ERICH3: variants seen among roughly 807,000 people sequenced by gnomAD.
ERICH3 encodes the protein glutamate-rich protein 3.
In ERICH3, 126 loss-of-function variants were observed where a neutral mutation model predicts 131.1. That is an observed-to-expected ratio of 0.96 (90% CI 0.83 to 1.11). ERICH3 has a LOEUF of 1.11. ERICH3 is among the 50% of genes most tolerant of loss of function. The pLI is 0.00. For synonymous variants in ERICH3, 695 were observed against 644.6 expected, an observed-to-expected ratio of 1.08 and a Z score of -1.18; for missense variants, 2,050 against 1,810.7, an observed-to-expected ratio of 1.13 and a Z score of -2.40.
intron 7 of ERICH3, among the ~76,000 whole-genome samples, chr1:74,630,746 C>A (rs766526456): frequency 2.4e-4 from 36 of 151,736 alleles, no homozygotes; most frequent in Admixed American, 3.9e-4. Flanking sequence ...CCAGCAAATC[C>A]AAATTAGAGA....
rs1646901512 is a variant in ERICH3 at position 74,568,747 on chromosome 1, G to C, written c.*1711C>G. 6.6e-6 allele frequency: 1 copy of C among 152,126 alleles called. No individual in the cohort carries two copies. The highest frequency in any genetic ancestry group is 1.5e-5 in the Non-Finnish European group (1 of 68,008). 9.4% of individuals were successfully genotyped at this position (152,126 alleles called of 1,614,324 possible). On this transcript the variant is annotated 3_prime_UTR_variant, in exon 15 of 15. Coordinates refer to ENST00000326665, the MANE Select transcript of ERICH3 (RefSeq NM_001002912.5). Reference sequence around the variant, plus strand: ...ACAGGAAAAGACAGAGAGACATAGAGAGGCAAAGAAAGAAAGTTCAAAATG... The same window carrying C: ...ACAGGAAAAGACAGAGAGACATAGACAGGCAAAGAAAGAAAGTTCAAAATG...
intron 1 of ERICH3, among the ~76,000 whole-genome samples, chr1:74,656,074 C>A (rs1646580923): frequency 6.6e-6 from 1 of 152,112 alleles, no homozygotes; most frequent in African/African-American, 2.4e-5. Context: ...GCCCAGCAGG[C>A]CTGAACCCAA....
At chr1:74,611,032 G>A (rs1234713653) in intron 9 of ERICH3, among the ~76,000 whole-genome samples, 3 of 152,048 alleles carry the variant, frequency 2.0e-5, no homozygotes, top group Non-Finnish European at 4.4e-5. Context: ...TCATCACTCA[G>A]ACATCTTCTC....
At position 74,571,170 on chromosome 1, in the gene ERICH3, C is replaced by A; in HGVS notation, c.4540G>T (p.Val1514Leu). 1.2e-6 allele frequency: 2 copies of A among 1,614,098 alleles called. No homozygotes were observed. The highest frequency in any genetic ancestry group is 1.7e-6 in the Non-Finnish European group (2 of 1,180,016). The change falls in exon 14 of 15, where the codon GTG (valine) becomes TTG (leucine). Residue 1514 changes from valine to leucine, a missense_variant. Physicochemically the swap from Val to Leu is conservative, Grantham distance 32 (BLOSUM62 1). Transcript: ENST00000326665. ...TETREKQQHM[V>L]QGESETADVS... is the part of the protein sequence containing the mutation. ...TCTGCAGTCTCGCTTTCTCCTTGCA[C>A]CATATGCTGTTGCTTCTCTCGGGTT...
At chr1:74,629,678 C>A (rs1188419452) in intron 7 of ERICH3, among the ~76,000 whole-genome samples, 1 of 152,198 alleles carries the variant, frequency 6.6e-6, no homozygotes, top group African/African-American at 2.4e-5. Flanking sequence ...CCTTGACACA[C>A]TCATGACCTG....
At position 74,573,279 on chromosome 1, in the gene ERICH3, C is replaced by T. The variant is rs75061423; in HGVS notation, c.2431G>A (p.Ala811Thr). ...GGCTGCTCTGCTGTTGGCTTCCACG[C>T]CCTCAAGGGAGCCTCATGAACAGCT... Reference protein sequence around the residue: ...AGAVHEAPLRAWKPTAEQPEL... With the variant: ...AGAVHEAPLRTWKPTAEQPEL... Residue 811 changes from alanine to threonine, a missense_variant, in exon 14 of 15, where the codon GCG becomes ACG. By Grantham distance (58) the Ala-to-Thr change is moderately conservative. Coordinates refer to ENST00000326665, the MANE Select transcript of ERICH3 (RefSeq NM_001002912.5). The T allele has an allele frequency of 6.3e-7, 1 of 1,598,516 alleles. No individual in the cohort carries two copies. Among genetic ancestry groups the T allele is most frequent in the Non-Finnish European group, 8.5e-7 (1 of 1,173,818 alleles).
At chr1:74,580,661 C>T (rs1293535585) in intron 12 of ERICH3, among the ~76,000 whole-genome samples, 2 of 152,138 alleles carry the variant, frequency 1.3e-5, no homozygotes, top group African/African-American at 4.8e-5. Context: ...TAGTAGCAAG[C>T]TTTCCTTTTG....
At position 74,649,258 on chromosome 1, in the gene ERICH3, ATTG is replaced by A. The variant is rs777243283; in HGVS notation, c.78_80del (p.Asn27del). On this transcript the variant is annotated inframe_deletion, in exon 2 of 15. Transcript: ENST00000326665. ...TTAAGAGATGACGCCTTATCCTTGT[ATTG>A]TTAAAATACCCAGCCAGGTGTTTAT... The A allele has an allele frequency of 5.6e-6, 9 of 1,612,614 alleles. No homozygotes were observed. The East Asian group carries it at 1.6e-4, about 28-fold the overall frequency.
chr1:74,604,318 G>T (rs558560972), intron 10 of ERICH3, among the ~76,000 whole-genome samples: 1 of 151,828 alleles, frequency 6.6e-6, no homozygotes, highest in South Asian at 2.1e-4. Context: ...TCCACCAAAG[G>T]CTTGAACTCC....
At position 74,572,302 on chromosome 1, in the gene ERICH3, C is replaced by T. The variant is rs752184955; in HGVS notation, c.3408G>A (p.Glu1136=). The T allele has an allele frequency of 3.1e-6, 5 of 1,614,060 alleles. No individual in the cohort carries two copies. In the African/African-American group the frequency reaches 4.0e-5, roughly 13 times the overall value. Residue 1136 remains glutamate (E), a synonymous_variant, in exon 14 of 15, where the codon GAG becomes GAA. Coordinates refer to ENST00000326665, the MANE Select transcript of ERICH3 (RefSeq NM_001002912.5). ...CTAGAAGCCCTGGATTGTCAGACAA[C>T]TCAGAAGCCTCCACAGGTGCTTCGT... ...AENEAPVEAS[E]LSDNPGLLGE... is the part of the protein sequence containing the mutation.
At chr1:74,605,511 T>A (rs1216687021) in intron 10 of ERICH3, among the ~76,000 whole-genome samples, 2 of 151,840 alleles carry the variant, frequency 1.3e-5, no homozygotes, top group East Asian at 1.9e-4. Flanking sequence ...GTTTTTTTTT[T>A]ATTTAAAGTG....
At chr1:74,594,170 A>G (rs1001508011) in intron 11 of ERICH3, among the ~76,000 whole-genome samples, 1 of 152,014 alleles carries the variant, frequency 6.6e-6, no homozygotes, top group Non-Finnish European at 1.5e-5. Flanking sequence ...TCCCTAGTTT[A>G]TTTATAACAT....
In ERICH3 at chr1:74,644,852, A is replaced by T. The variant is rs182580902; in HGVS notation, c.244-1754T>A. Among the ~76,000 whole-genome samples, 115 of 152,086 alleles carry T rather than the reference A, an allele frequency of 7.6e-4. 4 individuals carry two copies. In the East Asian group the frequency reaches 0.021, roughly 27 times the overall value. ...TTCTTTTACTCCCCTGCTGAAAAAC[A>T]TTTCATCGCCTCATCACCTACACCC... On this transcript the variant is annotated intron_variant, in intron 3 of 14. Coordinates refer to ENST00000326665, the MANE Select transcript of ERICH3 (RefSeq NM_001002912.5).
chr1:74,591,728 C>A (rs567208660), intron 11 of ERICH3, among the ~76,000 whole-genome samples: 11 of 152,234 alleles, frequency 7.2e-5, no homozygotes, highest in Non-Finnish European at 7.4e-5. Context: ...AATAAGGAAG[C>A]TGGACAGCAT....
intron 1 of ERICH3, among the ~76,000 whole-genome samples, chr1:74,662,168 C>T (rs1350572750): frequency 2.0e-5 from 3 of 152,120 alleles, no homozygotes; most frequent in African/African-American, 7.2e-5. Flanking sequence ...GGCCCTGAAA[C>T]ATCAGACTTT....
chr1:74,576,868 T>TG, intron 13 of ERICH3, 27 bp downstream of exon 13: 2 of 1,580,222 alleles, frequency 1.3e-6, no homozygotes, highest in South Asian at 2.3e-5. Context: ...TCACTCTAAT[T>TG]GGACCTCTTG....
At chr1:74,570,950 T>C (rs1444587618) in intron 14 of ERICH3, 149 bp downstream of exon 14, 2 of 1,109,094 alleles carry the variant, frequency 1.8e-6, no homozygotes, top group East Asian at 2.6e-5. Flanking sequence ...GCCCCTTTCC[T>C]GACAGGCTTA....
intron 1 of ERICH3, among the ~76,000 whole-genome samples, chr1:74,658,684 G>T (rs1165080535): frequency 1.3e-5 from 2 of 152,072 alleles, no homozygotes; most frequent in Non-Finnish European, 2.9e-5. Flanking sequence ...ATTTCCTAAG[G>T]GCTGGTTCTT....
intron 12 of ERICH3, among the ~76,000 whole-genome samples, chr1:74,587,593 T>C (rs1045025594): frequency 6.6e-6 from 1 of 152,166 alleles, no homozygotes; most frequent in Non-Finnish European, 1.5e-5. Context: ...AGCCTAATTA[T>C]GACCCTCATT....
Sources: gnomAD v4.1 joint callset for allele counts (sites outside exome capture counted in the v4.1 genomes callset) on GRCh38, gnomAD v4.1.1 for gene constraint, MANE v1.5 for transcripts, NCBI Gene and HGNC (gene_info 2026-07-23, HGNC 2026-07-21) for gene names.